Variants in LRPPRC observed in about 807,000 individuals in gnomAD.
LRPPRC encodes the protein leucine rich pentatricopeptide repeat containing, also known as leucine-rich PPR motif-containing protein, mitochondrial.
In LRPPRC, 120 loss-of-function variants were observed where a neutral mutation model predicts 180.3. The ratio of observed to expected loss-of-function variants is 0.67; its 90% CI spans 0.57 to 0.77. The LOEUF (loss-of-function observed/expected upper bound fraction) is 0.77, where lower values mean the gene tolerates loss of function less well. Ranked by LOEUF, LRPPRC falls within the 30% of genes least tolerant of loss-of-function variation. The probability of loss-of-function intolerance (pLI) is 0.00; values close to 1 mark genes in which losing one functional copy is unlikely to be tolerated. For missense variants in LRPPRC, 2,012 were observed against 1,657.2 expected, an observed-to-expected ratio of 1.21 and a Z score of -3.72; for synonymous variants, 723 against 600.0, an observed-to-expected ratio of 1.21 and a Z score of -3.00.
chr2:43,896,003 C>T (rs777599287), intron 35 of LRPPRC, among the ~76,000 whole-genome samples: 1 of 151,824 alleles, frequency 6.6e-6, no homozygotes, highest in Non-Finnish European at 1.5e-5. Context: ...AAAGTAACTG[C>T]ACAAATTAGA....
intron 36 of LRPPRC, chr2:43,890,389 A>G (rs546848887): frequency 2.1e-6 from 1 of 469,218 alleles, no homozygotes; most frequent in South Asian, 1.6e-5. Context: ...AAATATGGAA[A>G]GTATAGTTAG....
At chr2:43,895,035 T>C (rs1670631213) in intron 35 of LRPPRC, among the ~76,000 whole-genome samples, 1 of 152,224 alleles carries the variant, frequency 6.6e-6, no homozygotes, top group Non-Finnish European at 1.5e-5. Context: ...GTTACACACT[T>C]GACATACAAA....
At chr2:43,933,582 G>T (rs936017084) in intron 25 of LRPPRC, among the ~76,000 whole-genome samples, 5 of 152,262 alleles carry the variant, frequency 3.3e-5, no homozygotes, top group Non-Finnish European at 7.4e-5. Flanking sequence ...AGACTTTATA[G>T]TTGGCCCTTG....
chr2:43,980,566 A>G (rs1674257933), intron 2 of LRPPRC, among the ~76,000 whole-genome samples: 1 of 98,566 alleles, frequency 1.0e-5, no homozygotes, highest in Non-Finnish European at 2.0e-5. Flanking sequence ...AAAAAAAAAA[A>G]AAAAGAAGAA....
At chr2:43,914,680 A>G (rs1320264607) in intron 29 of LRPPRC, among the ~76,000 whole-genome samples, 2 of 151,912 alleles carry the variant, frequency 1.3e-5, no homozygotes, top group African/African-American at 4.8e-5. Flanking sequence ...GTGAGCTAAG[A>G]TTTGCGCCAC....
intron 36 of LRPPRC, 86 bp downstream of exon 36, chr2:43,894,459 T>TA: frequency 1.3e-6 from 1 of 741,434 alleles, no homozygotes; most frequent in Non-Finnish European, 2.4e-6. Flanking sequence ...CTTAGTTCAC[T>TA]ATACTACAAG....
intron 3 of LRPPRC, among the ~76,000 whole-genome samples, chr2:43,977,666 C>T (rs974977457): frequency 7.9e-5 from 12 of 152,140 alleles, no homozygotes; most frequent in Non-Finnish European, 1.3e-4. Context: ...TCAGTTCTTT[C>T]ACACAGTAGG....
Position 43,975,255 on chromosome 2 carries a change from G to C in LRPPRC, c.738-38C>G, listed in dbSNP as rs753286236. On this transcript the variant is annotated intron_variant, in intron 6 of 37. Transcript: ENST00000260665. The stretch of plus-strand genomic sequence containing the variant: ...TCAAAAAACAGATTATTATGCTTTT[G>C]CCAAATTTAATATAGTTATTCAAAC... The C allele has an allele frequency of 1.8e-5, 28 of 1,584,456 alleles. 1 individual carries two copies. The Middle Eastern group carries it at 3.5e-3, about 198-fold the overall frequency.
chr2:43,977,045 T>C lies in LRPPRC; in HGVS notation c.599A>G (p.Tyr200Cys). ...EANIQPNRVT[Y>C]QRLIASYCNV... The stretch of plus-strand genomic sequence containing the variant: ...ACAATAAGAAGCAATCAATCTCTGG[T>C]ATGTCACCTGTCAATGAAATGGGCC... Residue 200 changes from tyrosine (Y) to cysteine (C), a missense_variant, in exon 5 of 38, where the codon TAC becomes TGC. Physicochemically the swap from Tyr to Cys is radical, Grantham distance 194. Coordinates refer to ENST00000260665, the MANE Select transcript of LRPPRC (RefSeq NM_133259.4). The C allele has an allele frequency of 6.2e-7, 1 of 1,613,354 alleles. No individual in the cohort carries two copies.
At chr2:43,970,412 T>C (rs575949728) in intron 11 of LRPPRC, among the ~76,000 whole-genome samples, 52 of 152,288 alleles carry the variant, frequency 3.4e-4, no homozygotes, top group African/African-American at 1.2e-3. Flanking sequence ...GATGGGGGGA[T>C]AGAAGCACTT....
At position 43,933,167 on chromosome 2, in the gene LRPPRC, T is replaced by C. The variant is rs564289218; in HGVS notation, c.2736+1023A>G. 2.0e-3 allele frequency among the ~76,000 whole-genome samples: 302 copies of C among 152,310 alleles called. 3 individuals are homozygous for C. The highest frequency in any genetic ancestry group is 3.0e-3 in the Non-Finnish European group (201 of 68,014). On this transcript the variant is annotated intron_variant, in intron 25 of 37. Coordinates refer to ENST00000260665, the MANE Select transcript of LRPPRC (RefSeq NM_133259.4). The stretch of plus-strand genomic sequence containing the variant: ...CACTGTCTGCTGACAAGTGGGCAGA[T>C]TGAGTCATAAAATGGAAAGAGAAGA...
Position 43,982,438 on chromosome 2 carries a change from A to G in LRPPRC, c.150-4T>C. 1 of 1,606,880 alleles carries G rather than the reference A, an allele frequency of 6.2e-7. No homozygotes were observed. Among genetic ancestry groups the G allele is most frequent in the Non-Finnish European group, 8.5e-7 (1 of 1,173,580 alleles). ...CCTGGCTGGGCTCAGTAGTCCTCTAAAAAATGAAACATAATTAATAATAAT... is the reference window on the plus strand; with the variant it reads ...CCTGGCTGGGCTCAGTAGTCCTCTAGAAAATGAAACATAATTAATAATAAT... On this transcript the variant is annotated splice_region_variant and splice_polypyrimidine_tract_variant and intron_variant, in intron 1 of 37. Transcript: ENST00000260665.
intron 13 of LRPPRC, among the ~76,000 whole-genome samples, chr2:43,959,838 C>T (rs540973015): frequency 3.9e-5 from 6 of 152,216 alleles, no homozygotes; most frequent in East Asian, 1.9e-4. Context: ...GAGTCAAGTT[C>T]GCACCACTGC....
intron 1 of LRPPRC, among the ~76,000 whole-genome samples, chr2:43,988,523 C>T (rs111286876): frequency 4.1e-4 from 62 of 152,140 alleles, no homozygotes; most frequent in African/African-American, 1.4e-3. Flanking sequence ...GCAGTAAGAG[C>T]GAAACTCCGT....
At chr2:43,918,710 G>A (rs904969082) in intron 27 of LRPPRC, among the ~76,000 whole-genome samples, 2 of 150,634 alleles carry the variant, frequency 1.3e-5, no homozygotes, top group Non-Finnish European at 3.0e-5. Flanking sequence ...AGTGCCTACT[G>A]CCGAAATCAA....
chr2:43,948,096 C>A, intron 18 of LRPPRC, 26 bp downstream of exon 18: 1 of 1,404,282 alleles, frequency 7.1e-7, no homozygotes, highest in Non-Finnish European at 1.0e-6. Context: ...AGCATTTTAT[C>A]CAGTTGATTG....
At chr2:43,892,421 A>C (rs1670523712) in intron 36 of LRPPRC, among the ~76,000 whole-genome samples, 1 of 152,342 alleles carries the variant, frequency 6.6e-6, no homozygotes, top group South Asian at 2.1e-4. Context: ...CCTGTGTTCT[A>C]TAAATGGAAC....
intron 23 of LRPPRC, among the ~76,000 whole-genome samples, chr2:43,941,820 G>A (rs149073875): frequency 3.8e-5 from 5 of 132,338 alleles, no homozygotes; most frequent in African/African-American, 1.4e-4. Context: ...CATGGAGACT[G>A]CATTAGCAAA....
intron 25 of LRPPRC, among the ~76,000 whole-genome samples, chr2:43,930,807 C>G (rs1242870030): frequency 6.6e-6 from 1 of 152,126 alleles, no homozygotes; most frequent in Non-Finnish European, 1.5e-5. Context: ...AGAACTAAAA[C>G]TCAGGGTTCG....
Sources: allele counts gnomAD v4.1 joint callset (sites outside exome capture counted in the v4.1 genomes callset), GRCh38; gene constraint gnomAD v4.1.1; transcripts MANE v1.5; gene names NCBI Gene and HGNC (gene_info 2026-07-23, HGNC 2026-07-21).